Variants in NEIL2 observed in about 807,000 individuals in gnomAD.
The protein encoded by NEIL2 is endonuclease 8-like 2.
NEIL2 carries 23 observed loss-of-function variants against 22.2 expected under a neutral mutation model. The observed-to-expected ratio is 1.04, with a 90% CI of 0.75 to 1.47. The LOEUF (loss-of-function observed/expected upper bound fraction) is 1.47. NEIL2 is among the 40% of genes most tolerant of loss of function. The pLI is 0.00. For synonymous variants in NEIL2, 229 were observed against 164.8 expected (o/e 1.39, Z -2.99); for missense variants, 583 against 404.7 (o/e 1.44, Z -3.78).
At chr8:11,778,536 A>T (rs1042751782) in intron 2 of NEIL2, among the ~76,000 whole-genome samples, 1 of 152,152 alleles carries the variant, frequency 6.6e-6, no homozygotes, top group African/African-American at 2.4e-5. Flanking sequence ...TCCAGTATTA[A>T]TGCCAGATAT....
chr8:11,780,028 GTGGGGACAT>G, intron 3 of NEIL2, 78 bp downstream of exon 3: 1 of 1,288,798 alleles, frequency 7.8e-7, no homozygotes, highest in Non-Finnish European at 1.1e-6. Context: ...GACTTCAGCA[GTGGGGACAT>G]ACTGAGGACG....
Position 11,779,831 on chromosome 8 carries a change from A to T in NEIL2, c.372A>T (p.Ala124=). ...AGTATTTGGAGAGAGACGCCCCTGCAGGAGATGCTGGGAGGTGGCTGCGTG... is the reference window on the plus strand; with the variant it reads ...AGTATTTGGAGAGAGACGCCCCTGCTGGAGATGCTGGGAGGTGGCTGCGTG... ...DSEYLERDAP[A]GDAGRWLRVS... is the part of the protein sequence containing the mutation. Residue 124 remains alanine, a synonymous_variant, in exon 3 of 5, where the codon GCA becomes GCT. Transcript: ENST00000284503. 6.2e-7 allele frequency: 1 copy of T among 1,614,088 alleles called. No individual in the cohort carries two copies. Among genetic ancestry groups the T allele is most frequent in the Non-Finnish European group, 8.5e-7 (1 of 1,179,984 alleles).
chr8:11,775,728 A>G (rs1021693396), intron 2 of NEIL2, among the ~76,000 whole-genome samples: 1 of 152,186 alleles, frequency 6.6e-6, no homozygotes, highest in African/African-American at 2.4e-5. Context: ...CTCAAGTTCA[A>G]ATTTCCATAG....
chr8:11,770,144 C>T lies in NEIL2; in HGVS notation c.-194C>T, dbSNP rs932221124. The T allele has an allele frequency of 6.6e-6, 1 of 152,208 alleles. No homozygotes were observed. The highest frequency in any genetic ancestry group is 2.4e-5 in the African/African-American group (1 of 41,442). The allele number at this position is 152,208 out of a possible 1,614,324, so 9.4% of individuals were successfully genotyped here. Reference sequence around the variant, plus strand: ...GGGCGCGGCATCTTCAGCGACTCTTCGAAGTCCCTTCCGCGTCTCATCTTT... The same window carrying T: ...GGGCGCGGCATCTTCAGCGACTCTTTGAAGTCCCTTCCGCGTCTCATCTTT... On this transcript the variant is annotated 5_prime_UTR_variant, in exon 1 of 5. Transcript: ENST00000284503.
intron 2 of NEIL2, among the ~76,000 whole-genome samples, chr8:11,771,928 G>T (rs573237317): frequency 2.0e-5 from 3 of 152,156 alleles, no homozygotes; most frequent in Non-Finnish European, 4.4e-5. Context: ...GAACCGGCTG[G>T]GCACGGTGGC....
intron 3 of NEIL2, among the ~76,000 whole-genome samples, chr8:11,781,524 T>C (rs1419520408): frequency 6.6e-6 from 1 of 152,236 alleles, no homozygotes; most frequent in African/African-American, 2.4e-5. Context: ...TGCCCTTTGC[T>C]GAGTCCTGGA....
At position 11,779,778 on chromosome 8, in the gene NEIL2, C is replaced by G; in HGVS notation, c.319C>G (p.Leu107Val). ...TLDGSSRSAE[L>V]VPQGEDDSEY... The stretch of plus-strand genomic sequence containing the variant: ...TGATGGATCCTCACGGTCTGCAGAG[C>G]TCGTCCCCCAGGGCGAGGATGATTC... The change falls in exon 3 of 5, where the codon CTC becomes GTC. Residue 107 changes from leucine to valine, a missense_variant. Leu to Val is a conservative substitution (Grantham distance 32). Transcript: ENST00000284503. 6.2e-7 allele frequency: 1 copy of G among 1,614,188 alleles called. No homozygotes were observed. The highest frequency in any genetic ancestry group is 8.5e-7 in the Non-Finnish European group (1 of 1,180,042).
rs1216108971 is a variant in NEIL2, at chr8:11,784,240, T to G, written c.688+841T>G. Among the ~76,000 whole-genome samples, 4 of 152,214 alleles carry G rather than the reference T, an allele frequency of 2.6e-5. No individual in the cohort carries two copies. The East Asian group carries it at 7.7e-4, about 29-fold the overall frequency. On this transcript the variant is annotated intron_variant, in intron 4 of 4. Transcript: ENST00000284503. The stretch of plus-strand genomic sequence containing the variant: ...CATGTTAGGACCATGGGAGTCCCTG[T>G]GCACTCAGGAGCGAAGAGCCGTCGG...
At chr8:11,771,683 C>G in intron 2 of NEIL2, 98 bp downstream of exon 2, 1 of 1,318,972 alleles carries the variant, frequency 7.6e-7, no homozygotes, top group Non-Finnish European at 1.0e-6. Flanking sequence ...TTCCCTGAGT[C>G]CGGAACCACC....
chr8:11,780,760 T>C (rs545952921), intron 3 of NEIL2, among the ~76,000 whole-genome samples: 2 of 152,354 alleles, frequency 1.3e-5, no homozygotes, highest in African/African-American at 4.8e-5. Context: ...ATGTCCTCAG[T>C]GTCAATTCCC....
intron 2 of NEIL2, 129 bp from the exon 3 acceptor site, chr8:11,779,469 A>G: frequency 1.2e-6 from 1 of 815,188 alleles, no homozygotes; most frequent in Non-Finnish European, 2.1e-6. Flanking sequence ...GGCAGAGTCC[A>G]AAGACTTCAT....
At chr8:11,770,644 G>A (rs1803356048) in intron 1 of NEIL2, among the ~76,000 whole-genome samples, 1 of 152,174 alleles carries the variant, frequency 6.6e-6, no homozygotes, top group Non-Finnish European at 1.5e-5. Flanking sequence ...AGAGGCTGGT[G>A]CAGGAACAGG....
intron 2 of NEIL2, among the ~76,000 whole-genome samples, chr8:11,772,357 C>A (rs1184148901): frequency 6.6e-6 from 1 of 152,186 alleles, no homozygotes; most frequent in African/African-American, 2.4e-5. Flanking sequence ...ATGAAACTGC[C>A]TTTGGCTCTT....
intron 2 of NEIL2, among the ~76,000 whole-genome samples, chr8:11,778,385 G>A (rs1011249023): frequency 2.7e-5 from 4 of 150,530 alleles, no homozygotes; most frequent in Non-Finnish European, 4.4e-5. Context: ...AAGCTATTCT[G>A]GGATTATTTC....
chr8:11,770,892 G>A (rs747395739), intron 1 of NEIL2, among the ~76,000 whole-genome samples: 40 of 152,310 alleles, frequency 2.6e-4, no homozygotes, highest in Non-Finnish European at 5.1e-4. Context: ...GTGGCTGGGG[G>A]TCTCACTTAT....
In NEIL2 at chr8:11,779,780, C is replaced by T. The variant is rs372433059; in HGVS notation, c.321C>T (p.Leu107=). 45 of 1,614,064 alleles carry T rather than the reference C, an allele frequency of 2.8e-5. No individual in the cohort carries two copies. The highest frequency in any genetic ancestry group is 3.1e-5 in the Non-Finnish European group (37 of 1,180,032). ...TLDGSSRSAE[L]VPQGEDDSEY... is the part of the protein sequence containing the mutation. Reference sequence around the variant, plus strand: ...ATGGATCCTCACGGTCTGCAGAGCTCGTCCCCCAGGGCGAGGATGATTCTG... The same window carrying T: ...ATGGATCCTCACGGTCTGCAGAGCTTGTCCCCCAGGGCGAGGATGATTCTG... Residue 107 remains leucine, a synonymous_variant, in exon 3 of 5, where the codon CTC becomes CTT. Coordinates refer to ENST00000284503, the MANE Select transcript of NEIL2 (RefSeq NM_145043.4).
At chr8:11,784,141 TTGC>T (rs1479105060) in intron 4 of NEIL2, among the ~76,000 whole-genome samples, 1 of 152,220 alleles carries the variant, frequency 6.6e-6, no homozygotes, top group Non-Finnish European at 1.5e-5. Flanking sequence ...ACATGTGGCC[TTGC>T]TGCCTGCTCA....
intron 3 of NEIL2, among the ~76,000 whole-genome samples, chr8:11,781,805 A>G (rs1396909014): frequency 6.6e-6 from 1 of 152,214 alleles, no homozygotes; most frequent in Non-Finnish European, 1.5e-5. Flanking sequence ...CCTGTCTGTA[A>G]TCCCAGCACT....
At chr8:11,778,075 G>A (rs897963487) in intron 2 of NEIL2, among the ~76,000 whole-genome samples, 1 of 152,178 alleles carries the variant, frequency 6.6e-6, no homozygotes, top group African/African-American at 2.4e-5. Flanking sequence ...AATTGAAGTG[G>A]CTGCAGTGTC....
Sources: gnomAD v4.1 joint callset for allele counts (sites outside exome capture counted in the v4.1 genomes callset) on GRCh38, gnomAD v4.1.1 for gene constraint, MANE v1.5 for transcripts, NCBI Gene and HGNC (gene_info 2026-07-23, HGNC 2026-07-21) for gene names.